Variants in GRID2 observed in about 807,000 individuals in gnomAD.
The protein encoded by GRID2 is glutamate receptor ionotropic, delta-2.
GRID2 carries 33 observed loss-of-function variants against 114.8 expected under a neutral mutation model. The ratio of observed to expected loss-of-function variants is 0.29; its 90% confidence interval spans 0.22 to 0.38. The LOEUF (loss-of-function observed/expected upper bound fraction) is 0.38. Among genes scored for constraint, GRID2 ranks in the 10% least tolerant of loss-of-function variants. The pLI, the probability that GRID2 is intolerant of heterozygous loss-of-function variation, is 1.00. For synonymous variants in GRID2, 505 were observed against 449.9 expected, an observed-to-expected ratio of 1.12 and a Z score of -1.55; for missense variants, 1,184 against 1,257.7, an observed-to-expected ratio of 0.94 and a Z score of 0.89.
At chr4:93,377,912 A>G (rs745571394) in intron 8 of GRID2, among the ~76,000 whole-genome samples, 1 of 152,212 alleles carries the variant, frequency 6.6e-6, no homozygotes, top group African/African-American at 2.4e-5. Flanking sequence ...AAACTAAGAT[A>G]AAATGATTCT....
chr4:93,069,062 TGACTCAC>T (rs1728572312), intron 2 of GRID2, among the ~76,000 whole-genome samples: 1 of 151,836 alleles, frequency 6.6e-6, no homozygotes, highest in Non-Finnish European at 1.5e-5. Flanking sequence ...CTCCCAAAAC[TGACTCAC>T]TATCACAAGG....
At chr4:92,930,893 A>G (rs1223569778) in intron 2 of GRID2, among the ~76,000 whole-genome samples, 1 of 151,136 alleles carries the variant, frequency 6.6e-6, no homozygotes, top group Non-Finnish European at 1.5e-5. Context: ...TCCACAAAGA[A>G]AACTCCAGGC....
chr4:93,407,757 GTCCTCCTCC>G (rs1417763940), intron 9 of GRID2, among the ~76,000 whole-genome samples: 2 of 21,856 alleles, frequency 9.2e-5, no homozygotes, highest in Non-Finnish European at 1.9e-4. Flanking sequence ...CCTCCTCCTC[GTCCTCCTCC>G]TCCTCCTCCT....
intron 1 of GRID2, among the ~76,000 whole-genome samples, chr4:92,536,952 G>T (rs1476550518): frequency 1.3e-5 from 2 of 152,054 alleles, no homozygotes; most frequent in Non-Finnish European, 2.9e-5. Context: ...ACACGTTCAG[G>T]AGACAGTTAG....
chr4:92,577,940 G>T (rs1727975775), intron 1 of GRID2, among the ~76,000 whole-genome samples: 2 of 152,032 alleles, frequency 1.3e-5, no homozygotes, highest in African/African-American at 4.8e-5. Flanking sequence ...GGATTAGCTG[G>T]CCTCAAAGTC....
At chr4:92,774,023 G>A (rs1197871809) in intron 2 of GRID2, among the ~76,000 whole-genome samples, 1 of 152,092 alleles carries the variant, frequency 6.6e-6, no homozygotes, top group Non-Finnish European at 1.5e-5. Context: ...AAGTGATGGG[G>A]AGATATAATA....
At chr4:92,975,606 C>T (rs898138243) in intron 2 of GRID2, among the ~76,000 whole-genome samples, 3 of 152,008 alleles carry the variant, frequency 2.0e-5, no homozygotes, top group East Asian at 1.9e-4. Context: ...TTCTTTTTAT[C>T]GTGAGAAATT....
At chr4:92,771,685 A>C (rs1738553784) in intron 2 of GRID2, among the ~76,000 whole-genome samples, 1 of 152,202 alleles carries the variant, frequency 6.6e-6, no homozygotes, top group South Asian at 2.1e-4. Context: ...TCCCTTAATT[A>C]GTTTAAACAG....
intron 8 of GRID2, among the ~76,000 whole-genome samples, chr4:93,240,193 A>G (rs954099151): frequency 2.0e-4 from 31 of 151,656 alleles, no homozygotes; most frequent in Non-Finnish European, 4.1e-4. Flanking sequence ...CCATATCTTG[A>G]ACTTTACCAG....
At chr4:93,490,503 T>C (rs1726883788) in intron 11 of GRID2, 136 bp from the exon 12 acceptor site, 1 of 559,106 alleles carries the variant, frequency 1.8e-6, no homozygotes, top group Non-Finnish European at 3.2e-6. Context: ...GTGATGAAAA[T>C]ATAGAGATCT....
intron 8 of GRID2, among the ~76,000 whole-genome samples, chr4:93,269,346 C>T (rs546998621): frequency 5.7e-4 from 87 of 152,074 alleles, no homozygotes; most frequent in Non-Finnish European, 1.1e-3. Context: ...AATCACTGTC[C>T]TAATGTGGAG....
intron 2 of GRID2, among the ~76,000 whole-genome samples, chr4:92,701,237 T>C (rs1298300704): frequency 6.6e-6 from 1 of 152,172 alleles, no homozygotes; most frequent in African/African-American, 2.4e-5. Flanking sequence ...TAATGCATAA[T>C]AAAAACCTAA....
intron 2 of GRID2, among the ~76,000 whole-genome samples, chr4:92,713,519 T>TATATATATATATATA (rs1464081862): frequency 9.8e-5 from 8 of 81,340 alleles, no homozygotes; most frequent in Non-Finnish European, 1.5e-4. Flanking sequence ...ATATATATAT[T>TATATATATATATATA]ACCAAAATTA....
At chr4:93,358,279 G>A (rs1299660673) in intron 8 of GRID2, among the ~76,000 whole-genome samples, 14 of 151,818 alleles carry the variant, frequency 9.2e-5, no homozygotes, top group South Asian at 4.1e-4. Flanking sequence ...TTAATTAACA[G>A]TAGCAAAAAT....
intron 2 of GRID2, among the ~76,000 whole-genome samples, chr4:92,931,563 T>G (rs1750237604): frequency 6.6e-6 from 1 of 150,712 alleles, no homozygotes; most frequent in Admixed American, 6.6e-5. Context: ...ATTACGTAAG[T>G]GTGTTTTTAA....
chr4:93,720,807 C>T (rs928945599), intron 14 of GRID2, among the ~76,000 whole-genome samples: 1 of 152,134 alleles, frequency 6.6e-6, no homozygotes. Flanking sequence ...CCTAAAAAAT[C>T]TCTATGATGG....
intron 1 of GRID2, among the ~76,000 whole-genome samples, chr4:92,552,808 T>G (rs1214064836): frequency 6.6e-6 from 1 of 152,272 alleles, no homozygotes; most frequent in Middle Eastern, 3.4e-3. Context: ...GGACTTAGAA[T>G]AACAAGCAAA....
intron 2 of GRID2, among the ~76,000 whole-genome samples, chr4:92,957,196 C>T (rs2081637982): frequency 6.6e-6 from 1 of 151,972 alleles, no homozygotes; most frequent in Admixed American, 6.6e-5. Context: ...TGAATCATGC[C>T]TTTGTTGTAG....
chr4:92,468,599 CAG>C (rs1039569172), intron 1 of GRID2, among the ~76,000 whole-genome samples: 1 of 151,884 alleles, frequency 6.6e-6, no homozygotes, highest in Non-Finnish European at 1.5e-5. Flanking sequence ...TACAGTATAA[CAG>C]AGGGAGAAAG....
Sources: allele counts gnomAD v4.1 joint callset (sites outside exome capture counted in the v4.1 genomes callset), GRCh38; gene constraint gnomAD v4.1.1; transcripts MANE v1.5; gene names NCBI Gene and HGNC (gene_info 2026-07-23, HGNC 2026-07-21).